The following NHS variants were observed in gnomAD, a reference collection of about 807,000 sequenced individuals.
NHS encodes NHS actin remodeling regulator.
NHS carries 5 observed loss-of-function variants against 72.5 expected under a neutral mutation model. The ratio of observed to expected loss-of-function variants is 0.07; its 90% CI spans 0.04 to 0.14. The LOEUF (loss-of-function observed/expected upper bound fraction) is 0.14, where lower values mean the gene tolerates loss of function less well. Among genes scored for constraint, NHS ranks in the 10% least tolerant of loss-of-function variants. NHS has a pLI of 1.00. For synonymous variants in NHS, 464 were observed against 547.7 expected (o/e 0.85, Z 2.13); for missense variants, 1,072 against 1,355.7 (o/e 0.79, Z 3.29).
rs1198920730 is a variant in NHS, at chrX:17,687,838, C to T, written c.662C>T (p.Pro221Leu). 1 of 1,212,047 alleles carries T rather than the reference C, an allele frequency of 8.3e-7. No homozygotes were observed. The highest frequency in any genetic ancestry group is 1.1e-6 in the Non-Finnish European group (1 of 895,551). ...RNIFLPATRP[P>L]CVEELHRHAR... ...ATCTTCCTCCCAGCCACAAGGCCACCCTGCGTGGAGGAGCTGCACCGCCAC... is the reference window on the plus strand; with the variant it reads ...ATCTTCCTCCCAGCCACAAGGCCACTCTGCGTGGAGGAGCTGCACCGCCAC... Residue 221 changes from proline (P) to leucine (L), a missense_variant, in exon 2 of 9, where the codon CCC (proline) becomes CTC (leucine). Pro to Leu is a moderately conservative substitution (Grantham distance 98). Transcript: ENST00000676302.
intron 1 of NHS, among the ~76,000 whole-genome samples, chrX:17,541,394 G>A (rs765996587): frequency 1.8e-5 from 2 of 112,026 alleles, no homozygotes; most frequent in South Asian, 7.5e-4. Flanking sequence ...GGGGGTTTAA[G>A]TGGTATTTGT....
intron 1 of NHS, among the ~76,000 whole-genome samples, chrX:17,676,235 C>A (rs2066079632): frequency 8.9e-6 from 1 of 111,970 alleles, no homozygotes. Context: ...CTTTTTCTGA[C>A]CTGCCTGTCC....
intron 1 of NHS, among the ~76,000 whole-genome samples, chrX:17,531,331 G>C (rs1384201580): frequency 2.8e-5 from 3 of 108,016 alleles, no homozygotes; most frequent in African/African-American, 1.0e-4. Flanking sequence ...CTGGAAGTGG[G>C]CCTCCCCCTC....
chrX:17,730,218 G>A (rs943608069), intron 8 of NHS, among the ~76,000 whole-genome samples: 1 of 112,333 alleles, frequency 8.9e-6, no homozygotes, highest in Admixed American at 9.4e-5. Context: ...CCAAATGCTA[G>A]TGTATGGAAT....
intron 1 of NHS, among the ~76,000 whole-genome samples, chrX:17,541,767 AACACACACACACACACACACACAC>A (rs57700886): frequency 1.6e-5 from 1 of 62,901 alleles, no homozygotes; most frequent in Non-Finnish European, 2.8e-5. Context: ...TGAGTTTGCG[AACACACACACACACACACACACAC>A]ACACACACAC....
intron 3 of NHS, among the ~76,000 whole-genome samples, chrX:17,705,924 C>CA (rs2066292636): frequency 1.8e-5 from 2 of 112,168 alleles, no homozygotes; most frequent in Non-Finnish European, 3.8e-5. Context: ...AACAAAGACT[C>CA]ACGCCTGTAA....
intron 1 of NHS, among the ~76,000 whole-genome samples, chrX:17,384,192 T>G (rs1364721568): frequency 8.9e-6 from 1 of 112,156 alleles, no homozygotes; most frequent in Non-Finnish European, 1.9e-5. Context: ...TTCTGTTCAG[T>G]CTACCACTTG....
intron 1 of NHS, among the ~76,000 whole-genome samples, chrX:17,603,483 C>A (rs2065662719): frequency 8.9e-6 from 1 of 111,924 alleles, no homozygotes; most frequent in Non-Finnish European, 1.9e-5. Flanking sequence ...CATTTCAAAT[C>A]TCTCTCCAAG....
At chrX:17,544,368 A>C (rs911175759) in intron 1 of NHS, among the ~76,000 whole-genome samples, 4 of 112,349 alleles carry the variant, frequency 3.6e-5, no homozygotes, top group Admixed American at 1.9e-4. Flanking sequence ...GCAAAAATTC[A>C]AGAAGGAAAT....
At chrX:17,595,702 G>A (rs1225493159) in intron 1 of NHS, among the ~76,000 whole-genome samples, 2 of 112,238 alleles carry the variant, frequency 1.8e-5, no homozygotes, top group South Asian at 3.7e-4. Context: ...AGAAATAAAC[G>A]GATGTGGGCT....
rs1393856457 is a variant in NHS at position 17,721,488 on chromosome X, G to A, written c.963G>A (p.Arg321=). ...ATACAGATGTCATGTTAGGGCAGAGGCCGAAAAACCCAATACACAATATCC... is the reference window on the plus strand; with the variant it reads ...ATACAGATGTCATGTTAGGGCAGAGACCGAAAAACCCAATACACAATATCC... ...DEDTDVMLGQ[R]PKNPIHNIPS... The change falls in exon 5 of 9, where the codon AGG becomes AGA. Residue 321 remains arginine (R), a synonymous_variant. Coordinates refer to ENST00000676302, the MANE Select transcript of NHS (RefSeq NM_001291867.2). The A allele has an allele frequency of 1.7e-6, 2 of 1,211,360 alleles. No homozygotes were observed. Among genetic ancestry groups the A allele is most frequent in the South Asian group, 3.5e-5 (2 of 56,965 alleles).
chrX:17,569,638 A>C (rs757838447), intron 1 of NHS, among the ~76,000 whole-genome samples: 6,426 of 111,646 alleles, frequency 0.058, 434 homozygotes, highest in African/African-American at 0.2. Context: ...CTCTGATGAT[A>C]GTTTCTTTTG....
intron 3 of NHS, among the ~76,000 whole-genome samples, chrX:17,713,202 G>T (rs2066345231): frequency 9.0e-6 from 1 of 111,679 alleles, no homozygotes; most frequent in Non-Finnish European, 1.9e-5. Context: ...AAGATCAAAG[G>T]AGTTCATATT....
chrX:17,719,089 G>T (rs2066389094), intron 3 of NHS, among the ~76,000 whole-genome samples: 1 of 94,629 alleles, frequency 1.1e-5, no homozygotes. Context: ...AAGGAGGGAA[G>T]AAAAGGAAAG....
chrX:17,460,266 G>C (rs1022608128), intron 1 of NHS, among the ~76,000 whole-genome samples: 9 of 111,767 alleles, frequency 8.1e-5, no homozygotes, highest in African/African-American at 2.9e-4. Flanking sequence ...ATGCCATAAA[G>C]CTCACCTATT....
rs138188069 is a variant in NHS, at chrX:17,637,365, C to T, written c.566-50377C>T. ...AAGACTTGAAGATCCAAGGCCTATA[C>T]GTGGCTGACAGACCAGGAAGGGACT... On this transcript the variant is annotated intron_variant, in intron 1 of 8. Coordinates refer to ENST00000676302, the MANE Select transcript of NHS (RefSeq NM_001291867.2). 2.3e-3 allele frequency among the ~76,000 whole-genome samples: 258 copies of T among 111,847 alleles called. 1 individual carries two copies. The highest frequency in any genetic ancestry group is 7.6e-3 in the African/African-American group (235 of 30,807).
At chrX:17,668,595 C>T (rs1206001628) in intron 1 of NHS, among the ~76,000 whole-genome samples, 1 of 110,577 alleles carries the variant, frequency 9.0e-6, no homozygotes, top group Non-Finnish European at 1.9e-5. Flanking sequence ...CTCACCCCTT[C>T]ACTGGATCAG....
intron 1 of NHS, among the ~76,000 whole-genome samples, chrX:17,663,499 T>C (rs1254160714): frequency 8.9e-6 from 1 of 112,227 alleles, no homozygotes; most frequent in Non-Finnish European, 1.9e-5. Context: ...TTAAAAAATG[T>C]CCAGCCTTTT....
At chrX:17,561,557 T>TGCGCGCGC (rs1240571846) in intron 1 of NHS, among the ~76,000 whole-genome samples, 1 of 76,516 alleles carries the variant, frequency 1.3e-5, no homozygotes, top group Non-Finnish European at 2.4e-5. Context: ...TGCAAGTGCA[T>TGCGCGCGC]GCGCGCGCGC....
Sources: gnomAD v4.1 joint callset for allele counts (sites outside exome capture counted in the v4.1 genomes callset) on GRCh38, gnomAD v4.1.1 for gene constraint, MANE v1.5 for transcripts, NCBI Gene and HGNC (gene_info 2026-07-23, HGNC 2026-07-21) for gene names.